The following VPS41 variants were observed in gnomAD, a reference collection of about 807,000 sequenced individuals.
VPS41 encodes the protein VPS41 subunit of HOPS complex, also known as vacuolar protein sorting-associated protein 41 homolog.
VPS41 carries 85 observed loss-of-function variants against 130.9 expected under a neutral mutation model. That is an observed-to-expected ratio of 0.65 (90% CI 0.55 to 0.78). VPS41 has a LOEUF of 0.78. Ranked by LOEUF, VPS41 falls within the 30% of genes least tolerant of loss-of-function variation. The pLI, the probability that VPS41 is intolerant of heterozygous loss-of-function variation, is 0.00. For missense variants in VPS41, 874 were observed against 1,018.7 expected (o/e 0.86, Z 1.93); for synonymous variants, 335 against 332.9 (o/e 1.01, Z -0.07).
At chr7:38,743,269 C>A (rs1307804131) in intron 24 of VPS41, 133 bp downstream of exon 24, 16 of 947,854 alleles carry the variant, frequency 1.7e-5, no homozygotes, top group Non-Finnish European at 2.4e-5. Flanking sequence ...TTACAACACA[C>A]CTGGCCTATT....
chr7:38,889,775 A>C (rs1339292312), intron 2 of VPS41, among the ~76,000 whole-genome samples: 2 of 152,182 alleles, frequency 1.3e-5, no homozygotes, highest in Admixed American at 1.3e-4. Context: ...CACAGAGATG[A>C]GTGAAAACAG....
At chr7:38,890,596 T>C (rs1409125941) in intron 2 of VPS41, among the ~76,000 whole-genome samples, 1 of 152,206 alleles carries the variant, frequency 6.6e-6, no homozygotes, top group Non-Finnish European at 1.5e-5. Flanking sequence ...TCAATATCAA[T>C]TTCCTGGCGT....
At chr7:38,781,723 T>C (rs1307151775) in intron 10 of VPS41, among the ~76,000 whole-genome samples, 1 of 152,238 alleles carries the variant, frequency 6.6e-6, no homozygotes, top group Non-Finnish European at 1.5e-5. Context: ...TGCATCTATT[T>C]GTTCTTGTCT....
At chr7:38,897,644 CAAAA>C (rs11355680) in intron 2 of VPS41, among the ~76,000 whole-genome samples, 2 of 97,774 alleles carry the variant, frequency 2.0e-5, no homozygotes, top group African/African-American at 3.8e-5. Context: ...GACTCCGTCT[CAAAA>C]AAAAAAAAAA....
chr7:38,754,282 C>T lies in VPS41; in HGVS notation c.1788+420G>A, dbSNP rs114296960. Reference sequence around the variant, plus strand: ...GCAGGAGAACTTGGTACAGTATCTGCGGTGCCATACTGGCCTTTACTGTGA... The same window carrying T: ...GCAGGAGAACTTGGTACAGTATCTGTGGTGCCATACTGGCCTTTACTGTGA... On this transcript the variant is annotated intron_variant, in intron 21 of 28. Transcript: ENST00000310301. Among the ~76,000 whole-genome samples the T allele has an allele frequency of 3.3e-3, 502 of 152,256 alleles. 2 individuals are homozygous for T. The highest frequency in any genetic ancestry group is 0.011 in the African/African-American group (440 of 41,536).
At chr7:38,900,139 T>C (rs748119078) in intron 1 of VPS41, among the ~76,000 whole-genome samples, 9 of 152,112 alleles carry the variant, frequency 5.9e-5, no homozygotes, top group Non-Finnish European at 1.0e-4. Context: ...TAGTCCCAGC[T>C]ACTTGGGAGG....
At chr7:38,844,593 T>C (rs1438973774) in intron 4 of VPS41, among the ~76,000 whole-genome samples, 2 of 152,200 alleles carry the variant, frequency 1.3e-5, no homozygotes, top group Non-Finnish European at 2.9e-5. Flanking sequence ...AGTCATCTTG[T>C]TTGGAAAGAA....
At chr7:38,838,004 A>G (rs896221157) in intron 4 of VPS41, among the ~76,000 whole-genome samples, 13 of 152,200 alleles carry the variant, frequency 8.5e-5, no homozygotes, top group African/African-American at 2.7e-4. Context: ...TTACATGCAT[A>G]TTTTTGAGTG....
At chr7:38,796,252 A>G (rs1356714151) in intron 8 of VPS41, among the ~76,000 whole-genome samples, 1 of 152,226 alleles carries the variant, frequency 6.6e-6, no homozygotes, top group Non-Finnish European at 1.5e-5. Flanking sequence ...AAAACTTCCT[A>G]CTAGCCCCAA....
Position 38,805,183 on chromosome 7 carries a change from T to C in VPS41, c.451-8319A>G, listed in dbSNP as rs920361619. 3.3e-5 allele frequency among the ~76,000 whole-genome samples: 5 copies of C among 152,212 alleles called. No individual in the cohort carries two copies. In the East Asian group the frequency reaches 7.7e-4, roughly 23 times the overall value. On this transcript the variant is annotated intron_variant, in intron 7 of 28. Coordinates refer to ENST00000310301, the MANE Select transcript of VPS41 (RefSeq NM_014396.4). ...TGCAAAATTGCTAAGTCTTGAATAA[T>C]GCAGACAGTTACCTGAAAACACGGG...
intron 4 of VPS41, among the ~76,000 whole-genome samples, chr7:38,837,562 T>C (rs760979838): frequency 6.6e-6 from 1 of 152,200 alleles, no homozygotes; most frequent in Non-Finnish European, 1.5e-5. Flanking sequence ...ACCATGAATA[T>C]AACAGCTTTC....
intron 11 of VPS41, among the ~76,000 whole-genome samples, chr7:38,776,012 T>C (rs903962821): frequency 6.6e-6 from 1 of 152,070 alleles, no homozygotes; most frequent in African/African-American, 2.4e-5. Context: ...ACTCTCATAA[T>C]AAAGACAAGC....
chr7:38,757,918 T>G (rs1189499645), intron 18 of VPS41, among the ~76,000 whole-genome samples: 1 of 152,196 alleles, frequency 6.6e-6, no homozygotes, highest in Non-Finnish European at 1.5e-5. Context: ...GAGCCCTGAC[T>G]CAGGGTCAGG....
chr7:38,880,195 C>T (rs1358110307), intron 2 of VPS41, among the ~76,000 whole-genome samples: 1 of 152,112 alleles, frequency 6.6e-6, no homozygotes, highest in African/African-American at 2.4e-5. Context: ...ATGTGTATTA[C>T]AACCCCAACT....
At chr7:38,754,146 C>T (rs1022322743) in intron 21 of VPS41, among the ~76,000 whole-genome samples, 2 of 152,158 alleles carry the variant, frequency 1.3e-5, no homozygotes, top group African/African-American at 4.8e-5. Flanking sequence ...ACCAATAGCA[C>T]ACAAGAAATA....
chr7:38,875,331 G>C (rs1378233660), intron 2 of VPS41, among the ~76,000 whole-genome samples: 2 of 152,084 alleles, frequency 1.3e-5, no homozygotes, highest in African/African-American at 4.8e-5. Context: ...TTTCCATAAA[G>C]TGTAGAAAAG....
At chr7:38,744,019 G>A (rs1004309492) in intron 23 of VPS41, among the ~76,000 whole-genome samples, 3 of 152,196 alleles carry the variant, frequency 2.0e-5, no homozygotes, top group Non-Finnish European at 4.4e-5. Flanking sequence ...TCTGCCTCAT[G>A]AGGTAGCTGT....
chr7:38,896,908 C>G (rs993945313), intron 2 of VPS41, among the ~76,000 whole-genome samples: 1 of 152,152 alleles, frequency 6.6e-6, no homozygotes, highest in Non-Finnish European at 1.5e-5. Flanking sequence ...TTACATTATG[C>G]TTGGGCCAGG....
At chr7:38,782,184 C>T (rs1388633043) in intron 10 of VPS41, among the ~76,000 whole-genome samples, 1 of 152,178 alleles carries the variant, frequency 6.6e-6, no homozygotes, top group African/African-American at 2.4e-5. Context: ...AGAGAGGAGG[C>T]CTGGCTGCTC....
Sources: gnomAD v4.1 joint callset for allele counts (sites outside exome capture counted in the v4.1 genomes callset) on GRCh38, gnomAD v4.1.1 for gene constraint, MANE v1.5 for transcripts, NCBI Gene and HGNC (gene_info 2026-07-23, HGNC 2026-07-21) for gene names.